SPECC1: variants seen among roughly 807,000 people sequenced by gnomAD.
The protein encoded by SPECC1 is sperm antigen with calponin homology and coiled-coil domains 1.
Under a neutral mutation model 104.1 loss-of-function variants are expected in SPECC1, and 62 were observed. That is an observed-to-expected ratio of 0.60 (90% CI 0.49 to 0.74). The LOEUF is 0.74. Ranked by LOEUF, SPECC1 falls within the 30% of genes least tolerant of loss-of-function variation. The pLI, the probability that SPECC1 is intolerant of heterozygous loss-of-function variation, is 0.00. For synonymous variants in SPECC1, 513 were observed against 501.6 expected (o/e 1.02, Z -0.30); for missense variants, 1,306 against 1,310.5 (o/e 1.00, Z 0.05).
intron 12 of SPECC1, among the ~76,000 whole-genome samples, chr17:20,284,408 G>T (rs775600678): frequency 6.6e-6 from 1 of 152,262 alleles, no homozygotes; most frequent in Non-Finnish European, 1.5e-5. Flanking sequence ...TCATGGCCAA[G>T]GGTTGTGCTG....
rs887388772 is a variant in SPECC1 at position 20,318,445 on chromosome 17, T to C, written c.*4380T>C. 10 of 231,498 alleles carry C rather than the reference T, an allele frequency of 4.3e-5. No homozygotes were observed. The highest frequency in any genetic ancestry group is 7.7e-5 in the Non-Finnish European group (9 of 117,010). 14.3% of individuals were successfully genotyped at this position (231,498 alleles called of 1,614,324 possible). A position where few individuals can be genotyped will look rare whatever the true frequency, so the allele number is the denominator to read the frequency against. On this transcript the variant is annotated 3_prime_UTR_variant, in exon 15 of 15. Coordinates refer to ENST00000395527, the MANE Select transcript of SPECC1 (RefSeq NM_001243439.2). The stretch of plus-strand genomic sequence containing the variant: ...CAAGTAGATGCAGGTGGGTGTTAGA[T>C]AAAAACACACATCCCCAGGGGACAA...
At chr17:20,012,540 C>G (rs2043980713) in intron 1 of SPECC1, among the ~76,000 whole-genome samples, 1 of 150,710 alleles carries the variant, frequency 6.6e-6, no homozygotes, top group South Asian at 2.1e-4. Flanking sequence ...TGTTCATTCT[C>G]TTTATATTGC....
At chr17:20,137,153 A>C (rs973045627) in intron 3 of SPECC1, among the ~76,000 whole-genome samples, 4 of 152,096 alleles carry the variant, frequency 2.6e-5, no homozygotes, top group South Asian at 2.1e-4. Flanking sequence ...CGTGTGCCCT[A>C]TTTTCAGTTT....
intron 1 of SPECC1, among the ~76,000 whole-genome samples, chr17:20,032,474 T>A (rs1435075531): frequency 1.3e-5 from 2 of 152,288 alleles, no homozygotes; most frequent in Admixed American, 1.3e-4. Flanking sequence ...TCTTTTTATT[T>A]TTCATTTGAA....
intron 13 of SPECC1, among the ~76,000 whole-genome samples, chr17:20,303,481 GT>G (rs137979496): frequency 1.3e-5 from 2 of 152,092 alleles, no homozygotes; most frequent in African/African-American, 2.4e-5. Flanking sequence ...ACATCTTTCT[GT>G]TTTTTTGGTG....
At chr17:20,034,880 C>T (rs1021901979) in intron 1 of SPECC1, among the ~76,000 whole-genome samples, 13 of 152,266 alleles carry the variant, frequency 8.5e-5, no homozygotes, top group South Asian at 2.1e-4. Context: ...GCTGGGATTA[C>T]GAGCGTGAGC....
At chr17:20,150,187 T>G (rs1290325200) in intron 3 of SPECC1, among the ~76,000 whole-genome samples, 2 of 151,708 alleles carry the variant, frequency 1.3e-5, no homozygotes, top group African/African-American at 2.4e-5. Context: ...GTTTCACCGT[T>G]TTAGTCCGGA....
At position 20,260,222 on chromosome 17, in the gene SPECC1, G is replaced by A; in HGVS notation, c.2868G>A (p.Leu956=). 1 of 1,613,930 alleles carries A rather than the reference G, an allele frequency of 6.2e-7. No individual in the cohort carries two copies. Among genetic ancestry groups the A allele is most frequent in the Non-Finnish European group, 8.5e-7 (1 of 1,179,886 alleles). Residue 956 remains leucine, a synonymous_variant, in exon 12 of 15, where the codon TTG becomes TTA. Transcript: ENST00000395527. Reference sequence around the variant, plus strand: ...AAAGAAAAGACCCTCTGGCAGCCTTGGCCCGGGAATACGGTGGTTCCAAGC... The same window carrying A: ...AAAGAAAAGACCCTCTGGCAGCCTTAGCCCGGGAATACGGTGGTTCCAAGC... The part of the protein sequence containing the change: ...SVERKDPLAA[L]AREYGGSKRN...
At chr17:20,212,326 T>A (rs2037205042) in intron 4 of SPECC1, among the ~76,000 whole-genome samples, 1 of 152,188 alleles carries the variant, frequency 6.6e-6, no homozygotes, top group African/African-American at 2.4e-5. Context: ...CACCCCACTT[T>A]CTTACTCATT....
intron 1 of SPECC1, among the ~76,000 whole-genome samples, chr17:20,024,891 A>G (rs1214876003): frequency 1.3e-5 from 2 of 152,140 alleles, no homozygotes; most frequent in East Asian, 1.9e-4. Flanking sequence ...TAAACCTTGT[A>G]ATTAGTTCCC....
intron 1 of SPECC1, among the ~76,000 whole-genome samples, chr17:20,035,018 A>G (rs912680413): frequency 2.6e-5 from 4 of 152,156 alleles, no homozygotes; most frequent in Admixed American, 6.5e-5. Flanking sequence ...TAGATGTGCA[A>G]TGACTCTACA....
At chr17:20,159,674 A>G (rs1420262668) in intron 3 of SPECC1, among the ~76,000 whole-genome samples, 1 of 152,232 alleles carries the variant, frequency 6.6e-6, no homozygotes, top group Non-Finnish European at 1.5e-5. Context: ...TCATGACTTA[A>G]CATGGTATTG....
chr17:20,223,705 T>C (rs2526481), intron 4 of SPECC1, among the ~76,000 whole-genome samples: 64,863 of 151,548 alleles, frequency 0.43, 14,453 homozygotes, highest in East Asian at 0.8. Flanking sequence ...AATCTCTTTA[T>C]TAAATATATC....
intron 1 of SPECC1, among the ~76,000 whole-genome samples, chr17:20,034,284 A>AG (rs11407906): frequency 0.069 from 10,468 of 151,920 alleles, 975 homozygotes; most frequent in African/African-American, 0.21. Flanking sequence ...TTTTTGGTAG[A>AG]GACGGGGTTT....
At chr17:20,112,740 G>A in intron 3 of SPECC1, 1 of 1,213,010 alleles carries the variant, frequency 8.2e-7, no homozygotes, top group Non-Finnish European at 1.2e-6. Flanking sequence ...AATTTAGAAG[G>A]TGCTAACCTG....
intron 1 of SPECC1, among the ~76,000 whole-genome samples, chr17:20,095,336 T>G (rs912133787): frequency 6.6e-6 from 1 of 152,186 alleles, no homozygotes; most frequent in Admixed American, 6.5e-5. Context: ...TCATTAATAG[T>G]TTTCCTTGGA....
intron 1 of SPECC1, among the ~76,000 whole-genome samples, chr17:20,087,775 G>GA: frequency 6.6e-6 from 1 of 152,334 alleles, no homozygotes; most frequent in Admixed American, 6.5e-5. Context: ...ACCCATGACA[G>GA]AAAATCAATG....
At chr17:20,102,910 T>A (rs1349149613) in intron 2 of SPECC1, among the ~76,000 whole-genome samples, 1 of 152,230 alleles carries the variant, frequency 6.6e-6, no homozygotes, top group East Asian at 1.9e-4. Context: ...TCAGACACTG[T>A]TATCCTAAGC....
intron 10 of SPECC1, among the ~76,000 whole-genome samples, chr17:20,256,697 C>G (rs1172051359): frequency 6.6e-6 from 1 of 152,154 alleles, no homozygotes; most frequent in Non-Finnish European, 1.5e-5. Context: ...GTCTCCTGTT[C>G]CGCACTTTTA....
Sources: gnomAD v4.1 joint callset for allele counts (sites outside exome capture counted in the v4.1 genomes callset) on GRCh38, gnomAD v4.1.1 for gene constraint, MANE v1.5 for transcripts, NCBI Gene and HGNC (gene_info 2026-07-23, HGNC 2026-07-21) for gene names.